The following AP2A1 variants were observed in gnomAD, a reference collection of about 807,000 sequenced individuals.
The protein encoded by AP2A1 is AP-2 complex subunit alpha-1.
AP2A1 carries 21 observed loss-of-function variants against 107.3 expected under a neutral mutation model. The observed-to-expected ratio is 0.20, with a 90% confidence interval of 0.14 to 0.28. The LOEUF (loss-of-function observed/expected upper bound fraction) is 0.28, where lower values mean the gene tolerates loss of function less well. Ranked by LOEUF, AP2A1 falls within the 10% of genes least tolerant of loss-of-function variation. The probability of loss-of-function intolerance (pLI) is 1.00; values close to 1 mark genes in which losing one functional copy is unlikely to be tolerated. For missense variants in AP2A1, 873 were observed against 1,307.7 expected, an observed-to-expected ratio of 0.67 and a Z score of 5.13; for synonymous variants, 602 against 564.8, an observed-to-expected ratio of 1.07 and a Z score of -0.93.
chr19:49,788,504 G>C lies in AP2A1; in HGVS notation c.474-3431G>C, dbSNP rs555825743. ...GTCAGGACTCGGGAGATGCGCTGTG[G>C]CTCAGGAGATGTGTGCCGTGGCAGC... On this transcript the variant is annotated intron_variant, in intron 4 of 22. Transcript: ENST00000354293. The surrounding 1 kb of genome is among the most constrained non-coding windows in gnomAD (Gnocchi z 4.5). 2.7e-5 allele frequency among the ~76,000 whole-genome samples: 4 copies of C among 150,762 alleles called. No individual in the cohort carries two copies. Among genetic ancestry groups the C allele is most frequent in the African/African-American group, 9.8e-5 (4 of 41,004 alleles).
chr19:49,791,377 G>GC (rs2073141095), intron 4 of AP2A1, among the ~76,000 whole-genome samples: 1 of 152,030 alleles, frequency 6.6e-6, no homozygotes, highest in Non-Finnish European at 1.5e-5. Context: ...TTACAAGCCT[G>GC]CGCCACCACA....
At chr19:49,768,130 G>C (rs921558503) in intron 1 of AP2A1, among the ~76,000 whole-genome samples, 1 of 152,136 alleles carries the variant, frequency 6.6e-6, no homozygotes, top group African/African-American at 2.4e-5. Context: ...ATCCCAGAGA[G>C]AGGTCAGGGG....
rs534984869 is a variant in AP2A1 at position 49,769,978 on chromosome 19, C to T, written c.67+2778C>T. On this transcript the variant is annotated intron_variant, in intron 1 of 22. Transcript: ENST00000354293. ...CCGCCTCCCAGGTTCAAGCAATTCTCGTGCCTCAGCCTCCCCGGTAGCTGG... is the reference window on the plus strand; with the variant it reads ...CCGCCTCCCAGGTTCAAGCAATTCTTGTGCCTCAGCCTCCCCGGTAGCTGG... Among the ~76,000 whole-genome samples, 12 of 152,232 alleles carry T rather than the reference C, an allele frequency of 7.9e-5. No individual in the cohort carries two copies. In the South Asian group the frequency reaches 1.2e-3, roughly 16 times the overall value.
At chr19:49,768,413 C>T (rs1467700861) in intron 1 of AP2A1, among the ~76,000 whole-genome samples, 4 of 152,092 alleles carry the variant, frequency 2.6e-5, no homozygotes, top group Admixed American at 6.6e-5. Context: ...CTTCACCTCT[C>T]GGTTTCCTCA....
intron 4 of AP2A1, among the ~76,000 whole-genome samples, chr19:49,789,096 G>A (rs2073110304): frequency 6.6e-6 from 1 of 152,304 alleles, no homozygotes; most frequent in East Asian, 1.9e-4. Flanking sequence ...CTGGGTGGCT[G>A]CACATCCAGT....
chr19:49,798,755 C>A, intron 7 of AP2A1, 47 bp from the exon 8 acceptor site: 2 of 1,579,548 alleles, frequency 1.3e-6, no homozygotes, highest in Non-Finnish European at 1.7e-6. Context: ...GCAGGTGTGC[C>A]AGGTGGGCAG....
At chr19:49,776,313 G>A (rs768678523) in intron 1 of AP2A1, among the ~76,000 whole-genome samples, 18 of 152,034 alleles carry the variant, frequency 1.2e-4, no homozygotes, top group Non-Finnish European at 2.1e-4. Context: ...TGCCTGGAGC[G>A]CGCCTCCCCT....
chr19:49,800,235 G>C, intron 11 of AP2A1, 85 bp downstream of exon 11: 1 of 1,441,670 alleles, frequency 6.9e-7, no homozygotes, highest in Non-Finnish European at 9.4e-7. Flanking sequence ...GCGCCTGCCA[G>C]CCCGCAGCCA....
intron 1 of AP2A1, among the ~76,000 whole-genome samples, chr19:49,775,832 A>G (rs2084611955): frequency 6.6e-6 from 1 of 152,180 alleles, no homozygotes; most frequent in Non-Finnish European, 1.5e-5. Context: ...ATGCTGGGTG[A>G]TGCCTGTGTT....
intron 15 of AP2A1, chr19:49,802,596 C>T: frequency 6.3e-7 from 1 of 1,594,288 alleles, no homozygotes; most frequent in South Asian, 1.1e-5. Context: ...GCTCCAGCTG[C>T]TGAGTAAGGG....
intron 11 of AP2A1, among the ~76,000 whole-genome samples, chr19:49,800,470 T>C (rs948420754): frequency 2.0e-5 from 3 of 152,172 alleles, no homozygotes; most frequent in African/African-American, 7.2e-5. Context: ...TGTTTGTTTG[T>C]TTCTGGAGAC....
Position 49,772,260 on chromosome 19 carries a change from T to TTGTTTTG in AP2A1, c.67+5061_67+5062insGTTTTGT, listed in dbSNP as rs1482404565. Among the ~76,000 whole-genome samples the TTGTTTTG allele has an allele frequency of 3.0e-3, 397 of 130,590 alleles. 2 individuals carry two copies. The highest frequency in any genetic ancestry group is 0.014 in the East Asian group (62 of 4,368). 85.7% of individuals were successfully genotyped at this position (130,590 alleles called of 152,430 possible). A position where few individuals can be genotyped will look rare whatever the true frequency, so the allele number is the denominator to read the frequency against. The stretch of plus-strand genomic sequence containing the variant: ...TTTTTCATAGAGTTTTTTTTTTTTT[T>TTGTTTTG]TTTTTTTTTTTTTTTTTGAGATGGA... On this transcript the variant is annotated intron_variant, in intron 1 of 22. Transcript: ENST00000354293.
At chr19:49,773,610 G>T (rs968291825) in intron 1 of AP2A1, among the ~76,000 whole-genome samples, 2 of 152,206 alleles carry the variant, frequency 1.3e-5, no homozygotes, top group Non-Finnish European at 2.9e-5. Context: ...GGGTGCTCAC[G>T]TTCTAGAGAG....
chr19:49,772,247 T>G (rs1199244232), intron 1 of AP2A1, among the ~76,000 whole-genome samples: 3 of 10,894 alleles, frequency 2.8e-4, no homozygotes, highest in Admixed American at 2.2e-3. Flanking sequence ...TTTCATAGAG[T>G]TTTTTTTTTT....
chr19:49,773,788 A>G (rs1051601497), intron 1 of AP2A1, among the ~76,000 whole-genome samples: 2 of 148,106 alleles, frequency 1.4e-5, no homozygotes, highest in African/African-American at 5.1e-5. Context: ...CAGAGAATCT[A>G]ACTAAGTGGG....
At chr19:49,805,987 C>T (rs2123771263) in intron 21 of AP2A1, 46 bp downstream of exon 21, 1 of 1,613,214 alleles carries the variant, frequency 6.2e-7, no homozygotes, top group Non-Finnish European at 8.5e-7. Context: ...TGCTTTGCTT[C>T]TCTGAGCCTC....
At chr19:49,783,633 T>C (rs2084703525) in intron 4 of AP2A1, among the ~76,000 whole-genome samples, 1 of 152,206 alleles carries the variant, frequency 6.6e-6, no homozygotes, top group South Asian at 2.1e-4. Context: ...GGCCACAAGC[T>C]AAGAGAAGCC....
chr19:49,803,435 G>A, intron 18 of AP2A1, 59 bp downstream of exon 18: 1 of 1,459,348 alleles, frequency 6.9e-7, no homozygotes, highest in South Asian at 1.1e-5. Context: ...CCTCACCGTG[G>A]GGAAGCCGGC....
chr19:49,802,149 C>T lies in AP2A1; in HGVS notation c.2114+8C>T, dbSNP rs748583823. On this transcript the variant is annotated splice_region_variant and intron_variant, in intron 15 of 22. Coordinates refer to ENST00000354293, the MANE Select transcript of AP2A1 (RefSeq NM_130787.3). ...CGAGGAGGCCTTCCTCAGGTAGCAC[C>T]CCCTGGGCCCGGGCCCCTTCTCGCG... 2.9e-5 allele frequency: 45 copies of T among 1,548,980 alleles called. No homozygotes were observed. Among genetic ancestry groups the T allele is most frequent in the Non-Finnish European group, 3.1e-5 (36 of 1,153,384 alleles).
Sources: allele counts gnomAD v4.1 joint callset (sites outside exome capture counted in the v4.1 genomes callset), GRCh38; gene constraint gnomAD v4.1.1; non-coding constraint Gnocchi (gnomAD v3.1); transcripts MANE v1.5; gene names NCBI Gene and HGNC (gene_info 2026-07-23, HGNC 2026-07-21).